Variants in ITPR1 observed in about 807,000 individuals in gnomAD.
The protein encoded by ITPR1 is inositol 1,4,5-trisphosphate-gated calcium channel ITPR1.
ITPR1 carries 96 observed loss-of-function variants against 318.4 expected under a neutral mutation model. The ratio of observed to expected loss-of-function variants is 0.30; its 90% CI spans 0.26 to 0.36. The LOEUF (loss-of-function observed/expected upper bound fraction) is 0.36. ITPR1 is among the 10% of genes least tolerant of loss of function. ITPR1 has a pLI of 1.00. For missense variants in ITPR1, 2,440 were observed against 3,460.2 expected (o/e 0.71, Z 7.40); for synonymous variants, 1,312 against 1,289.9 (o/e 1.02, Z -0.37).
chr3:4,658,116 C>G lies in ITPR1; in HGVS notation c.997-8C>G, dbSNP rs761026216. The G allele has an allele frequency of 6.2e-7, 1 of 1,602,306 alleles. No individual in the cohort carries two copies. Among genetic ancestry groups the G allele is most frequent in the Non-Finnish European group, 8.5e-7 (1 of 1,172,368 alleles). On this transcript the variant is annotated splice_polypyrimidine_tract_variant and splice_region_variant and intron_variant, in intron 12 of 61. Coordinates refer to ENST00000649015, the MANE Select transcript of ITPR1 (RefSeq NM_001378452.1). ...ATGGTTCTTGATTTGGTGACTTTAC[C>G]TCCTCAGGTGGACCCTGATCAGGAC...
At position 4,533,539 on chromosome 3, in the gene ITPR1, A is replaced by G. The variant is rs77204618; in HGVS notation, c.163+12445A>G. The stretch of plus-strand genomic sequence containing the variant: ...AATACAGCCTCAGCACTCAGTGAAG[A>G]GTGGCTATTGTGACTGAATTTGCAA... On this transcript the variant is annotated intron_variant, in intron 4 of 61. Transcript: ENST00000649015. Among the ~76,000 whole-genome samples the G allele has an allele frequency of 1.5e-3, 228 of 152,364 alleles. 5 individuals carry two copies. The East Asian group carries it at 0.037, about 25-fold the overall frequency.
At chr3:4,674,071 G>A in intron 21 of ITPR1, 131 bp from the exon 22 acceptor site, 1 of 661,542 alleles carries the variant, frequency 1.5e-6, no homozygotes, top group Non-Finnish European at 2.6e-6. Context: ...ATGCTAAGGA[G>A]GGAAAAAATA....
intron 4 of ITPR1, among the ~76,000 whole-genome samples, chr3:4,527,004 T>C (rs916528618): frequency 1.3e-5 from 2 of 152,204 alleles, no homozygotes; most frequent in African/African-American, 4.8e-5. Flanking sequence ...GAAAAGTAAA[T>C]GAGGATGCTT....
At chr3:4,623,027 G>C (rs914468244) in intron 4 of ITPR1, among the ~76,000 whole-genome samples, 2 of 152,150 alleles carry the variant, frequency 1.3e-5, no homozygotes, top group Non-Finnish European at 2.9e-5. Flanking sequence ...CTTTTACTTG[G>C]TCACTGACAT....
chr3:4,516,548 G>T lies in ITPR1; in HGVS notation c.57G>T (p.Ala19=). 1.2e-6 allele frequency: 2 copies of T among 1,604,344 alleles called. No homozygotes were observed. The highest frequency in any genetic ancestry group is 8.5e-7 in the Non-Finnish European group (1 of 1,175,868). Reference sequence around the variant, plus strand: ...TTGGAGACATTTGTTCTCTGTACGCGGAGGGATCGACAAATGGATTTATTA... The same window carrying T: ...TTGGAGACATTTGTTCTCTGTACGCTGAGGGATCGACAAATGGATTTATTA... The part of the protein sequence containing the change: ...LHIGDICSLY[A]EGSTNGFIST... The change falls in exon 3 of 62, where the codon GCG becomes GCT. Residue 19 remains alanine, a synonymous_variant. Coordinates refer to ENST00000649015, the MANE Select transcript of ITPR1 (RefSeq NM_001378452.1).
In ITPR1 at chr3:4,762,317, G is replaced by A. The variant is rs565386899; in HGVS notation, c.5545-4213G>A. On this transcript the variant is annotated intron_variant, in intron 44 of 61. Transcript: ENST00000649015. ...AAGCAGTCAGTGAGTGTTAGCTATC[G>A]TGTTACTGTAGTGATCTCATTGAAC... Among the ~76,000 whole-genome samples, 232 of 152,186 alleles carry A rather than the reference G, an allele frequency of 1.5e-3. 8 individuals carry two copies. The highest frequency in any genetic ancestry group is 1.6e-3 in the Non-Finnish European group (107 of 68,030).
intron 4 of ITPR1, among the ~76,000 whole-genome samples, chr3:4,623,805 G>A (rs572140180): frequency 1.1e-4 from 16 of 152,280 alleles, no homozygotes; most frequent in South Asian, 2.1e-4. Context: ...GGCTAATTTC[G>A]TTCTGTTACT....
chr3:4,650,883 G>A (rs944535494), intron 10 of ITPR1, among the ~76,000 whole-genome samples: 7 of 152,112 alleles, frequency 4.6e-5, no homozygotes, highest in Non-Finnish European at 1.0e-4. Context: ...ACTGAACATT[G>A]TAATACAAGT....
rs1575056119 is a variant in ITPR1, at chr3:4,732,978, C to T, written c.5221-110C>T. On this transcript the variant is annotated intron_variant, in intron 42 of 61. Transcript: ENST00000649015. Reference sequence around the variant, plus strand: ...TTCCATGAATAATTTATTCTTTCGCCAAGTGAAACTGGGCCAATTATAACT... The same window carrying T: ...TTCCATGAATAATTTATTCTTTCGCTAAGTGAAACTGGGCCAATTATAACT... The T allele has an allele frequency of 9.4e-6, 10 of 1,064,570 alleles. No individual in the cohort carries two copies. In the South Asian group the frequency reaches 1.2e-4, roughly 13 times the overall value. 65.9% of individuals were successfully genotyped at this position (1,064,570 alleles called of 1,614,324 possible).
chr3:4,728,174 T>C (rs2042658384), intron 42 of ITPR1, among the ~76,000 whole-genome samples: 1 of 152,194 alleles, frequency 6.6e-6, no homozygotes, highest in Non-Finnish European at 1.5e-5. Context: ...GGCCAAGGGG[T>C]AGATCTGTTT....
chr3:4,800,777 C>T (rs527790217), intron 54 of ITPR1, among the ~76,000 whole-genome samples, 177 bp downstream of exon 54: 1 of 152,312 alleles, frequency 6.6e-6, no homozygotes, highest in South Asian at 2.1e-4. Flanking sequence ...CTCTTGACCT[C>T]CGCGTGGTGC....
chr3:4,661,245 C>A lies in ITPR1; in HGVS notation c.1251+158C>A, dbSNP rs376786914. ...GAATGTGACAAAAGAATACTCTCCA[C>A]GAGACCTGAGTGGAGCAAACCCAGG... is the stretch of plus-strand genomic sequence containing the variant. On this transcript the variant is annotated intron_variant, in intron 14 of 61. Coordinates refer to ENST00000649015, the MANE Select transcript of ITPR1 (RefSeq NM_001378452.1). Among the ~76,000 whole-genome samples the A allele has an allele frequency of 1.6e-3, 242 of 152,166 alleles. 15 individuals carry two copies. The highest frequency in any genetic ancestry group is 1.1e-3 in the Non-Finnish European group (75 of 68,026).
intron 6 of ITPR1, among the ~76,000 whole-genome samples, chr3:4,639,949 G>T (rs1018698181): frequency 6.6e-6 from 1 of 152,098 alleles, no homozygotes; most frequent in Non-Finnish European, 1.5e-5. Flanking sequence ...AAAAATATTT[G>T]ATTGTTTTCA....
chr3:4,808,802 C>G (rs2048751006), intron 55 of ITPR1, among the ~76,000 whole-genome samples: 1 of 152,204 alleles, frequency 6.6e-6, no homozygotes, highest in African/African-American at 2.4e-5. Flanking sequence ...GAGCTCCCTC[C>G]ATGCCAGCAG....
intron 4 of ITPR1, among the ~76,000 whole-genome samples, chr3:4,591,969 T>G (rs1023284026): frequency 6.6e-6 from 1 of 152,236 alleles, no homozygotes; most frequent in Non-Finnish European, 1.5e-5. Flanking sequence ...GTCTTAGAAC[T>G]TCTTTTATTT....
intron 60 of ITPR1, chr3:4,831,151 A>ACACACACACACACACACACT (rs1463536446): frequency 7.8e-6 from 3 of 383,850 alleles, no homozygotes; most frequent in East Asian, 7.3e-5. Flanking sequence ...ACACACACAC[A>ACACACACACACACACACACT]CACTCACTCC....
At chr3:4,559,444 C>G (rs2086460928) in intron 4 of ITPR1, among the ~76,000 whole-genome samples, 3 of 152,050 alleles carry the variant, frequency 2.0e-5, no homozygotes, top group South Asian at 4.1e-4. Flanking sequence ...GTCTTATGTT[C>G]TCTGTAAGGG....
chr3:4,800,291 G>C, intron 53 of ITPR1, 134 bp from the exon 54 acceptor site: 3 of 781,648 alleles, frequency 3.8e-6, no homozygotes, highest in Non-Finnish European at 6.1e-6. Context: ...ATGGGGCAGA[G>C]AATTTGAGGT....
At chr3:4,686,135 C>A (rs1338897918) in intron 30 of ITPR1, among the ~76,000 whole-genome samples, 4 of 152,148 alleles carry the variant, frequency 2.6e-5, no homozygotes, top group Non-Finnish European at 5.9e-5. Flanking sequence ...GAGAGAGCTG[C>A]AGCGGGAGAG....
Sources: allele counts gnomAD v4.1 joint callset (sites outside exome capture counted in the v4.1 genomes callset), GRCh38; gene constraint gnomAD v4.1.1; transcripts MANE v1.5; gene names NCBI Gene and HGNC (gene_info 2026-07-23, HGNC 2026-07-21).